Variants in MFHAS1 observed in about 807,000 individuals in gnomAD.
The protein encoded by MFHAS1 is multifunctional ROCO family signaling regulator 1.
MFHAS1 carries 50 observed loss-of-function variants against 70.4 expected under a neutral mutation model. That is an observed-to-expected ratio of 0.71 (90% confidence interval 0.57 to 0.90). MFHAS1 has a LOEUF of 0.90. MFHAS1 is among the 40% of genes least tolerant of loss of function. The pLI, the probability that MFHAS1 is intolerant of heterozygous loss-of-function variation, is 0.00. For synonymous variants in MFHAS1, 952 were observed against 620.0 expected, an observed-to-expected ratio of 1.54 and a Z score of -7.96; for missense variants, 1,795 against 1,347.6, an observed-to-expected ratio of 1.33 and a Z score of -5.20.
At chr8:8,787,084 T>TTTTTTC (rs1805570378) in intron 2 of MFHAS1, among the ~76,000 whole-genome samples, 1 of 105,874 alleles carries the variant, frequency 9.4e-6, no homozygotes. Context: ...GTATTATTAT[T>TTTTTTC]ATTTTTTTTT....
At chr8:8,867,555 T>C (rs1808905988) in intron 1 of MFHAS1, among the ~76,000 whole-genome samples, 1 of 152,082 alleles carries the variant, frequency 6.6e-6, no homozygotes, top group Non-Finnish European at 1.5e-5. Flanking sequence ...ACATTATAAA[T>C]TGCTATACTT....
intron 1 of MFHAS1, among the ~76,000 whole-genome samples, chr8:8,809,866 G>A (rs1282592433): frequency 6.6e-6 from 1 of 152,180 alleles, no homozygotes; most frequent in Non-Finnish European, 1.5e-5. Flanking sequence ...CTTCTTACTG[G>A]AAAATGGTTC....
At chr8:8,811,481 T>G (rs976130563) in intron 1 of MFHAS1, among the ~76,000 whole-genome samples, 1 of 152,208 alleles carries the variant, frequency 6.6e-6, no homozygotes, top group African/African-American at 2.4e-5. Context: ...TCTCGCCATG[T>G]TGCCCAGCCT....
intron 1 of MFHAS1, among the ~76,000 whole-genome samples, chr8:8,879,051 A>G (rs939850605): frequency 2.0e-5 from 3 of 152,124 alleles, no homozygotes; most frequent in African/African-American, 7.2e-5. Context: ...TAAATGACAA[A>G]AAAGGTAAGG....
intron 1 of MFHAS1, among the ~76,000 whole-genome samples, chr8:8,824,723 C>A (rs1171806162): frequency 6.6e-6 from 1 of 152,152 alleles, no homozygotes; most frequent in East Asian, 1.9e-4. Context: ...ATGGGTTTAG[C>A]GGTCAGAAGC....
At chr8:8,816,752 T>G (rs1430238979) in intron 1 of MFHAS1, among the ~76,000 whole-genome samples, 1 of 152,128 alleles carries the variant, frequency 6.6e-6, no homozygotes, top group Non-Finnish European at 1.5e-5. Context: ...TAGGTCAAAG[T>G]AGTTAAACAT....
intron 1 of MFHAS1, among the ~76,000 whole-genome samples, chr8:8,868,789 C>T (rs773125878): frequency 3.3e-5 from 5 of 152,138 alleles, no homozygotes; most frequent in Non-Finnish European, 7.3e-5. Flanking sequence ...CTGGCTTCCA[C>T]CCATAGTCAT....
intron 1 of MFHAS1, among the ~76,000 whole-genome samples, chr8:8,819,795 C>G (rs574881283): frequency 6.6e-6 from 1 of 152,088 alleles, no homozygotes; most frequent in African/African-American, 2.4e-5. Flanking sequence ...GCCTCCCAGG[C>G]TCAAGCAATC....
chr8:8,786,598 A>C (rs1010458859), intron 2 of MFHAS1, among the ~76,000 whole-genome samples: 2 of 152,242 alleles, frequency 1.3e-5, no homozygotes, highest in African/African-American at 4.8e-5. Context: ...CTCAGCAAAT[A>C]AAGCGGGATT....
At chr8:8,820,032 T>C (rs911058512) in intron 1 of MFHAS1, among the ~76,000 whole-genome samples, 2 of 152,112 alleles carry the variant, frequency 1.3e-5, no homozygotes, top group Admixed American at 1.3e-4. Context: ...AAACTTAAAA[T>C]AAACAATCCC....
At chr8:8,831,021 G>A (rs1807366241) in intron 1 of MFHAS1, among the ~76,000 whole-genome samples, 1 of 152,148 alleles carries the variant, frequency 6.6e-6, no homozygotes, top group South Asian at 2.1e-4. Flanking sequence ...GTTTCTCACA[G>A]TCCAGAGGCT....
chr8:8,870,787 G>A (rs1745492705), intron 1 of MFHAS1, among the ~76,000 whole-genome samples: 1 of 152,142 alleles, frequency 6.6e-6, no homozygotes, highest in Admixed American at 6.5e-5. Flanking sequence ...AGCTTCCCGG[G>A]GTCAAGGCCT....
At chr8:8,836,237 T>G (rs759930810) in intron 1 of MFHAS1, among the ~76,000 whole-genome samples, 6 of 152,220 alleles carry the variant, frequency 3.9e-5, no homozygotes, top group Non-Finnish European at 7.3e-5. Context: ...CAGGCAACCC[T>G]GTTGCTTCTG....
At chr8:8,888,540 A>AC (rs60822177) in intron 1 of MFHAS1, among the ~76,000 whole-genome samples, 86 of 152,006 alleles carry the variant, frequency 5.7e-4, no homozygotes, top group South Asian at 1.7e-3. Context: ...ACACACACAC[A>AC]AAAACAGTTG....
At chr8:8,838,316 T>G (rs1333809566) in intron 1 of MFHAS1, among the ~76,000 whole-genome samples, 1 of 152,176 alleles carries the variant, frequency 6.6e-6, no homozygotes, top group East Asian at 1.9e-4. Context: ...GGGTCTATAT[T>G]CTTGATTGTG....
At chr8:8,849,825 G>A (rs1290264440) in intron 1 of MFHAS1, among the ~76,000 whole-genome samples, 5 of 152,200 alleles carry the variant, frequency 3.3e-5, no homozygotes, top group African/African-American at 2.4e-5. Flanking sequence ...TCCTGAAGAC[G>A]GTTCATGGCT....
Position 8,892,313 on chromosome 8 carries a change from A to G in MFHAS1, c.746T>C (p.Leu249Pro). 6.2e-7 allele frequency: 1 copy of G among 1,612,530 alleles called. No individual in the cohort carries two copies. The highest frequency in any genetic ancestry group is 1.7e-5 in the Admixed American group (1 of 60,028). Residue 249 changes from leucine to proline, a missense_variant, in exon 1 of 3, where the codon CTG becomes CCG. Coordinates refer to ENST00000276282, the MANE Select transcript of MFHAS1 (RefSeq NM_004225.3). This position sits in a 1 kb window ranked among gnomAD's most constrained non-coding sequence, Gnocchi z 4.7. ...LGTLPAGFCE[L>P]ASLESLMLDN... ...TAGCATGAGGCTCTCCAAACTGGCC[A>G]GCTCGCAGAAGCCGGCGGGCAGCGT...
intron 2 of MFHAS1, among the ~76,000 whole-genome samples, chr8:8,793,924 A>G (rs1805803715): frequency 6.6e-6 from 1 of 152,162 alleles, no homozygotes; most frequent in Admixed American, 6.5e-5. Flanking sequence ...ACGGTGGCTC[A>G]TGCCTGTAAT....
intron 1 of MFHAS1, among the ~76,000 whole-genome samples, chr8:8,837,826 G>A (rs183677361): frequency 2.0e-4 from 31 of 152,218 alleles, no homozygotes; most frequent in African/African-American, 7.5e-4. Flanking sequence ...ACTGTGGGTG[G>A]GAATGTAAAA....
Sources: gnomAD v4.1 joint callset for allele counts (sites outside exome capture counted in the v4.1 genomes callset) on GRCh38, gnomAD v4.1.1 for gene constraint, Gnocchi (gnomAD v3.1) non-coding constraint, MANE v1.5 for transcripts, NCBI Gene and HGNC (gene_info 2026-07-23, HGNC 2026-07-21) for gene names.